The following CDK14 variants were observed in gnomAD, a reference collection of about 807,000 sequenced individuals.
CDK14 encodes cyclin dependent kinase 14, also known as cyclin-dependent kinase 14.
A neutral mutation model predicts 60.7 loss-of-function variants in CDK14; 34 were observed. The ratio of observed to expected loss-of-function variants is 0.56; its 90% CI spans 0.43 to 0.75. The LOEUF (loss-of-function observed/expected upper bound fraction) is 0.75. Ranked by LOEUF, CDK14 falls within the 30% of genes least tolerant of loss-of-function variation. CDK14 has a pLI of 0.00. For missense variants in CDK14, 482 were observed against 564.1 expected, an observed-to-expected ratio of 0.85 and a Z score of 1.47; for synonymous variants, 197 against 203.7, an observed-to-expected ratio of 0.97 and a Z score of 0.28.
At chr7:90,651,116 G>A (rs903789287) in intron 2 of CDK14, among the ~76,000 whole-genome samples, 3 of 152,048 alleles carry the variant, frequency 2.0e-5, no homozygotes, top group Non-Finnish European at 4.4e-5. Context: ...ATTTGTTTGT[G>A]TCCTCTTTTG....
chr7:90,908,251 G>A (rs1792776470), intron 7 of CDK14, among the ~76,000 whole-genome samples: 6 of 152,098 alleles, frequency 3.9e-5, no homozygotes, highest in Admixed American at 3.9e-4. Flanking sequence ...GATCTGAGTA[G>A]TGAATTTTCT....
intron 10 of CDK14, among the ~76,000 whole-genome samples, chr7:91,037,763 C>T (rs1796976088): frequency 6.6e-6 from 1 of 152,198 alleles, no homozygotes. Context: ...CTAAAATCGA[C>T]ATATGCTGGA....
At chr7:90,990,212 A>G (rs972543343) in intron 10 of CDK14, among the ~76,000 whole-genome samples, 6 of 152,168 alleles carry the variant, frequency 3.9e-5, no homozygotes, top group African/African-American at 1.4e-4. Context: ...CAGGAGTTCA[A>G]GGCTGCAGTG....
chr7:91,117,957 GT>G, intron 13 of CDK14, 107 bp from the exon 14 acceptor site: 1 of 601,930 alleles, frequency 1.7e-6, no homozygotes, highest in South Asian at 2.3e-5. Context: ...ATGATGTTCA[GT>G]GTGCTGGGCA....
intron 2 of CDK14, among the ~76,000 whole-genome samples, chr7:90,640,873 A>G (rs1032326705): frequency 1.3e-5 from 2 of 152,172 alleles, no homozygotes; most frequent in Admixed American, 1.3e-4. Flanking sequence ...GTATCCCAGA[A>G]TATATAAAGA....
intron 14 of CDK14, among the ~76,000 whole-genome samples, chr7:91,143,311 C>T (rs1041352557): frequency 3.9e-5 from 6 of 152,168 alleles, no homozygotes; most frequent in East Asian, 1.9e-4. Context: ...TAGTAAAGAC[C>T]GTTCACTATA....
At position 90,598,759 on chromosome 7, in the gene CDK14, C is replaced by T. The variant is rs12532398; in HGVS notation, c.91+2041C>T. On this transcript the variant is annotated intron_variant, in intron 1 of 14. Transcript: ENST00000380050. ...TCGCTCTGTCGCCCAGGCTGGAGTG[C>T]AGTGGCGGGATCTCGGCTCACTGCA... 2.5e-5 allele frequency among the ~76,000 whole-genome samples: 3 copies of T among 120,504 alleles called. No individual in the cohort carries two copies. In the Admixed American group the frequency reaches 3.1e-4, roughly 13 times the overall value. 79.1% of individuals were successfully genotyped at this position (120,504 alleles called of 152,430 possible). A position where few individuals can be genotyped will look rare whatever the true frequency, so the allele number is the denominator to read the frequency against.
At chr7:90,917,116 C>T (rs997372118) in intron 7 of CDK14, among the ~76,000 whole-genome samples, 15 of 152,216 alleles carry the variant, frequency 9.9e-5, no homozygotes, top group African/African-American at 3.4e-4. Context: ...CTTATCTTTC[C>T]ATTCCTTAAA....
chr7:91,201,184 T>G lies in CDK14; in HGVS notation c.*29-5981T>G, dbSNP rs564688729. On this transcript the variant is annotated intron_variant, in intron 14 of 14. Transcript: ENST00000380050. ...TACATAAAGCTAAATTTGATCAAAT[T>G]ATAATTATTTTTTTCTTGAAGAGAA... is the stretch of plus-strand genomic sequence containing the variant. 2.0e-5 allele frequency among the ~76,000 whole-genome samples: 3 copies of G among 152,336 alleles called. No individual in the cohort carries two copies. The South Asian group carries it at 6.2e-4, about 32-fold the overall frequency.
rs568895547 is a variant in CDK14, at chr7:90,675,581, A to C, written c.124-50986A>C. 2.3e-3 allele frequency among the ~76,000 whole-genome samples: 343 copies of C among 152,336 alleles called. 2 individuals are homozygous for C. Among genetic ancestry groups the C allele is most frequent in the African/African-American group, 7.6e-3 (317 of 41,588 alleles). ...ACTCTATAAGACTTTATAAAACTTT[A>C]AAACACCACTTTCTTGAATCTCCTT... is the stretch of plus-strand genomic sequence containing the variant. On this transcript the variant is annotated intron_variant, in intron 2 of 14. Transcript: ENST00000380050.
At chr7:91,002,747 G>T (rs537135748) in intron 10 of CDK14, among the ~76,000 whole-genome samples, 4 of 152,058 alleles carry the variant, frequency 2.6e-5, no homozygotes, top group African/African-American at 9.7e-5. Flanking sequence ...ATCTAGCCTC[G>T]TGATTAATTT....
chr7:90,634,612 T>G (rs1800090652), intron 2 of CDK14, among the ~76,000 whole-genome samples: 1 of 152,156 alleles, frequency 6.6e-6, no homozygotes, highest in Non-Finnish European at 1.5e-5. Context: ...TGTGTCTTTA[T>G]AGCAGCACGA....
intron 10 of CDK14, among the ~76,000 whole-genome samples, chr7:90,989,634 C>T (rs984735849): frequency 3.3e-5 from 5 of 152,084 alleles, no homozygotes; most frequent in African/African-American, 1.2e-4. Flanking sequence ...ATGTGAGACC[C>T]AGCAATAACG....
intron 11 of CDK14, among the ~76,000 whole-genome samples, chr7:91,067,052 T>C (rs1798004225): frequency 6.6e-6 from 1 of 152,202 alleles, no homozygotes; most frequent in Admixed American, 6.5e-5. Flanking sequence ...GAGAGTAAAC[T>C]TAAGTGAAGG....
intron 2 of CDK14, among the ~76,000 whole-genome samples, chr7:90,671,715 A>G (rs1235281630): frequency 1.3e-5 from 2 of 152,166 alleles, no homozygotes; most frequent in Non-Finnish European, 2.9e-5. Context: ...GCATTTCTTC[A>G]TCTCTCTCCT....
In CDK14 at chr7:90,723,210, G is replaced by T. The variant is rs564802422; in HGVS notation, c.124-3357G>T. Among the ~76,000 whole-genome samples the T allele has an allele frequency of 3.3e-4, 50 of 152,234 alleles. No homozygotes were observed. In the East Asian group the frequency reaches 8.1e-3, roughly 25 times the overall value. ...TCTGAGTCTATTGAGATGATCATAT[G>T]ATTTTTAAAAAACTGTGTATTAATT... On this transcript the variant is annotated intron_variant, in intron 2 of 14. Coordinates refer to ENST00000380050, the MANE Select transcript of CDK14 (RefSeq NM_001287135.2).
chr7:91,067,148 CTTG>C (rs913000321), intron 11 of CDK14, among the ~76,000 whole-genome samples: 2 of 152,176 alleles, frequency 1.3e-5, no homozygotes, highest in African/African-American at 4.8e-5. Flanking sequence ...ATTAAATATG[CTTG>C]TTGTCAACTT....
intron 14 of CDK14, among the ~76,000 whole-genome samples, chr7:91,197,370 G>C (rs534555034): frequency 7.8e-4 from 117 of 149,434 alleles, no homozygotes; most frequent in Non-Finnish European, 9.3e-4. Context: ...ACTGAACTCT[G>C]GCCTTGGCAA....
At chr7:91,183,100 A>C (rs1802056164) in intron 14 of CDK14, among the ~76,000 whole-genome samples, 1 of 150,336 alleles carries the variant, frequency 6.7e-6, no homozygotes, top group South Asian at 2.1e-4. Context: ...TAAAAAAAGT[A>C]ATTAAGAAAA....
Sources: allele counts gnomAD v4.1 joint callset (sites outside exome capture counted in the v4.1 genomes callset), GRCh38; gene constraint gnomAD v4.1.1; transcripts MANE v1.5; gene names NCBI Gene and HGNC (gene_info 2026-07-23, HGNC 2026-07-21).